Variants in NSMCE2 observed in about 807,000 individuals in gnomAD.
The protein encoded by NSMCE2 is NSE2 SUMO ligase component of SMC5/6 complex, also known as E3 SUMO-protein ligase NSE2.
A neutral mutation model predicts 23.8 loss-of-function variants in NSMCE2; 24 were observed. The ratio of observed to expected loss-of-function variants is 1.01; its 90% CI spans 0.73 to 1.42. The LOEUF is 1.42. Among genes scored for constraint, NSMCE2 ranks in the 40% most tolerant of loss-of-function variants. NSMCE2 has a pLI of 0.00. For missense variants in NSMCE2, 284 were observed against 296.5 expected (o/e 0.96, Z 0.31); for synonymous variants, 92 against 94.1 (o/e 0.98, Z 0.13).
chr8:125,302,525 A>G (rs1828606051), intron 5 of NSMCE2, among the ~76,000 whole-genome samples: 1 of 152,178 alleles, frequency 6.6e-6, no homozygotes, highest in African/African-American at 2.4e-5. Flanking sequence ...AGAGGTTAAT[A>G]TGGGGTGAGA....
chr8:125,275,977 T>C (rs796248444), intron 5 of NSMCE2, among the ~76,000 whole-genome samples: 5 of 152,348 alleles, frequency 3.3e-5, no homozygotes, highest in African/African-American at 1.2e-4. Context: ...ACTGGCACCC[T>C]ATATTCCTTT....
intron 5 of NSMCE2, among the ~76,000 whole-genome samples, chr8:125,352,906 C>T (rs1443278776): frequency 6.6e-6 from 1 of 152,144 alleles, no homozygotes; most frequent in East Asian, 1.9e-4. Flanking sequence ...GGAAGTTTAG[C>T]TATTGAGAGT....
chr8:125,218,608 C>G (rs1485519732), intron 5 of NSMCE2, among the ~76,000 whole-genome samples: 1 of 152,028 alleles, frequency 6.6e-6, no homozygotes, highest in Non-Finnish European at 1.5e-5. Context: ...CGTGGGGTTT[C>G]GCCATGTTGG....
intron 2 of NSMCE2, 72 bp from the exon 3 acceptor site, chr8:125,102,245 T>C: frequency 1.0e-6 from 1 of 998,532 alleles, no homozygotes; most frequent in Non-Finnish European, 1.6e-6. Context: ...TTTACAGCAG[T>C]TTTATTAATA....
chr8:125,331,118 G>T lies in NSMCE2; in HGVS notation c.419-26101G>T, dbSNP rs536695956. Among the ~76,000 whole-genome samples the T allele has an allele frequency of 3.9e-5, 6 of 152,118 alleles. No individual in the cohort carries two copies. The South Asian group carries it at 1.0e-3, about 26-fold the overall frequency. On this transcript the variant is annotated intron_variant, in intron 5 of 7. Coordinates refer to ENST00000287437, the MANE Select transcript of NSMCE2 (RefSeq NM_173685.4). The stretch of plus-strand genomic sequence containing the variant: ...AGATCGAGACCATCCTGGCCAACAT[G>T]GTGAAACCCCGTCTCTACTAAAAAT...
chr8:125,333,944 C>T (rs1325877872), intron 5 of NSMCE2, among the ~76,000 whole-genome samples: 1 of 152,108 alleles, frequency 6.6e-6, no homozygotes, highest in African/African-American at 2.4e-5. Flanking sequence ...ATGGCAGAGG[C>T]CTGCTCAGAG....
rs1040378569 is a variant in NSMCE2 at position 125,111,844 on chromosome 8, T to C, written c.157+9357T>C. On this transcript the variant is annotated intron_variant, in intron 3 of 7. Transcript: ENST00000287437. ...GAAAATTACTTGATAATTGGATATG[T>C]CAATACAACTGACCTGATATTTTCA... Among the ~76,000 whole-genome samples, 5 of 152,316 alleles carry C rather than the reference T, an allele frequency of 3.3e-5. No individual in the cohort carries two copies. In the South Asian group the frequency reaches 1.0e-3, roughly 32 times the overall value.
At chr8:125,172,594 G>T (rs1365624076) in intron 4 of NSMCE2, among the ~76,000 whole-genome samples, 3 of 152,172 alleles carry the variant, frequency 2.0e-5, no homozygotes, top group African/African-American at 7.2e-5. Context: ...TATCTGAGCT[G>T]AGCTTATTCC....
At chr8:125,301,827 C>T (rs1035156000) in intron 5 of NSMCE2, among the ~76,000 whole-genome samples, 3 of 151,978 alleles carry the variant, frequency 2.0e-5, no homozygotes, top group African/African-American at 7.3e-5. Context: ...CCATGCCCGG[C>T]TAATTTTTGT....
chr8:125,322,991 G>A (rs955225911), intron 5 of NSMCE2, among the ~76,000 whole-genome samples: 1 of 152,118 alleles, frequency 6.6e-6, no homozygotes, highest in African/African-American at 2.4e-5. Flanking sequence ...CCCAGGTTTC[G>A]GAGGTTGCAG....
intron 5 of NSMCE2, among the ~76,000 whole-genome samples, chr8:125,259,323 G>A (rs958578422): frequency 5.9e-5 from 9 of 152,240 alleles, no homozygotes; most frequent in Admixed American, 5.9e-4. Flanking sequence ...GAACTGGGCC[G>A]CACAGCAGGA....
chr8:125,332,988 G>A (rs1297388620), intron 5 of NSMCE2, among the ~76,000 whole-genome samples: 1 of 152,160 alleles, frequency 6.6e-6, no homozygotes, highest in Non-Finnish European at 1.5e-5. Flanking sequence ...GGAAGAGACA[G>A]AGTTGTCTGA....
intron 5 of NSMCE2, among the ~76,000 whole-genome samples, chr8:125,224,952 C>T (rs1189342948): frequency 6.6e-6 from 1 of 152,136 alleles, no homozygotes; most frequent in South Asian, 2.1e-4. Context: ...AATGGGAAGT[C>T]AGTACAGCAA....
At chr8:125,322,808 A>G (rs1829507398) in intron 5 of NSMCE2, among the ~76,000 whole-genome samples, 1 of 152,272 alleles carries the variant, frequency 6.6e-6, no homozygotes, top group Non-Finnish European at 1.5e-5. Flanking sequence ...ATATACTAGC[A>G]ACAATCAGAA....
At chr8:125,303,936 G>A (rs1828659690) in intron 5 of NSMCE2, among the ~76,000 whole-genome samples, 2 of 152,196 alleles carry the variant, frequency 1.3e-5, no homozygotes, top group South Asian at 2.1e-4. Context: ...AAGAAACAAT[G>A]TTCTTTCTAG....
At chr8:125,132,250 A>T (rs749423968) in intron 3 of NSMCE2, among the ~76,000 whole-genome samples, 1 of 151,994 alleles carries the variant, frequency 6.6e-6, no homozygotes, top group Non-Finnish European at 1.5e-5. Context: ...AGCGTACACC[A>T]TTGCACCTGG....
intron 5 of NSMCE2, among the ~76,000 whole-genome samples, chr8:125,252,481 C>G (rs531377717): frequency 6.6e-5 from 10 of 152,208 alleles, no homozygotes; most frequent in Admixed American, 5.9e-4. Context: ...AGCTGAGATC[C>G]CGCCACTGCA....
chr8:125,288,052 C>A (rs74997964), intron 5 of NSMCE2, among the ~76,000 whole-genome samples: 2,298 of 152,300 alleles, frequency 0.015, 52 homozygotes, highest in African/African-American at 0.053. Context: ...TCACGAACTT[C>A]TGGCCTCAAG....
At chr8:125,332,598 A>G (rs1344937161) in intron 5 of NSMCE2, among the ~76,000 whole-genome samples, 1 of 152,232 alleles carries the variant, frequency 6.6e-6, no homozygotes, top group East Asian at 1.9e-4. Context: ...TTTCCTTGTT[A>G]AGATTTTCAT....
Sources: gnomAD v4.1 joint callset for allele counts (sites outside exome capture counted in the v4.1 genomes callset) on GRCh38, gnomAD v4.1.1 for gene constraint, MANE v1.5 for transcripts, NCBI Gene and HGNC (gene_info 2026-07-23, HGNC 2026-07-21) for gene names.